Variants in TTBK2 observed in about 807,000 individuals in gnomAD.
The protein encoded by TTBK2 is tau tubulin kinase 2.
A neutral mutation model predicts 110.8 loss-of-function variants in TTBK2; 28 were observed. That is an observed-to-expected ratio of 0.25 (90% CI 0.19 to 0.35). TTBK2 has a LOEUF of 0.35. TTBK2 is among the 10% of genes least tolerant of loss of function. The probability of loss-of-function intolerance (pLI) is 1.00; values close to 1 mark genes in which losing one functional copy is unlikely to be tolerated. For synonymous variants in TTBK2, 532 were observed against 527.3 expected (o/e 1.01, Z -0.12); for missense variants, 1,369 against 1,500.3 (o/e 0.91, Z 1.45).
chr15:42,748,478 C>T (rs2061824601), intron 14 of TTBK2, among the ~76,000 whole-genome samples: 1 of 151,830 alleles, frequency 6.6e-6, no homozygotes, highest in African/African-American at 2.4e-5. Context: ...AAAAAACTAA[C>T]CCAATAGAAT....
At chr15:42,853,984 G>A (rs1893829577) in intron 3 of TTBK2, among the ~76,000 whole-genome samples, 1 of 152,082 alleles carries the variant, frequency 6.6e-6, no homozygotes, top group African/African-American at 2.4e-5. Flanking sequence ...CACCCAGGTT[G>A]GAACACAGTG....
At chr15:42,901,996 A>T (rs1374229453) in intron 1 of TTBK2, among the ~76,000 whole-genome samples, 1 of 151,884 alleles carries the variant, frequency 6.6e-6, no homozygotes, top group Non-Finnish European at 1.5e-5. Context: ...CCGGCAGATC[A>T]CCTGAGGTCA....
At chr15:42,892,435 G>A (rs904045237) in intron 1 of TTBK2, among the ~76,000 whole-genome samples, 12 of 151,906 alleles carry the variant, frequency 7.9e-5, no homozygotes, top group African/African-American at 2.4e-4. Flanking sequence ...GGCTGGGCAC[G>A]GGGGCTCACA....
Position 42,794,659 on chromosome 15 carries a change from G to T in TTBK2, c.965C>A (p.Thr322Asn). Residue 322 changes from threonine (T) to asparagine (N), a missense_variant, in exon 10 of 15, where the codon ACC becomes AAC. Physicochemically the swap from Thr to Asn is moderately conservative, Grantham distance 65 (BLOSUM62 0). Around this residue, in one of 4 missense-constraint regions of TTBK2, gnomAD observed 1,097 missense variants for 1,114.7 expected, o/e 0.98. Transcript: ENST00000267890. ...TAGGACATACCCAATTGCAGCAGGG[G>T]TCAAGCGAGTGTGCAACTGAGGGGT... ...STTPQLHTRL[T>N]PAAIGIANAT... is the part of the protein sequence containing the mutation. The T allele has an allele frequency of 6.2e-7, 1 of 1,614,160 alleles. No individual in the cohort carries two copies. Among genetic ancestry groups the T allele is most frequent in the Non-Finnish European group, 8.5e-7 (1 of 1,180,040 alleles).
intron 6 of TTBK2, among the ~76,000 whole-genome samples, chr15:42,823,483 A>T (rs2140967624): frequency 6.6e-6 from 1 of 152,316 alleles, no homozygotes; most frequent in African/African-American, 2.4e-5. Flanking sequence ...TATAACAGAT[A>T]CACTCCATCA....
chr15:42,789,269 T>C (rs944057240), intron 10 of TTBK2, among the ~76,000 whole-genome samples: 7 of 150,258 alleles, frequency 4.7e-5, no homozygotes, highest in African/African-American at 1.7e-4. Context: ...CTCTGTGTAT[T>C]TGAGTGCTTT....
Position 42,878,634 on chromosome 15 carries a change from G to C in TTBK2, c.-17C>G. ...CCCACTCATTGCAATACACTGATAT[G>C]GTAGAACAGCTACACAGGCATCCAG... On this transcript the variant is annotated 5_prime_UTR_variant, in exon 2 of 15. Transcript: ENST00000267890. 1 of 1,613,556 alleles carries C rather than the reference G, an allele frequency of 6.2e-7. No homozygotes were observed. The highest frequency in any genetic ancestry group is 8.5e-7 in the Non-Finnish European group (1 of 1,179,886).
At chr15:42,846,165 A>G (rs940433869) in intron 3 of TTBK2, among the ~76,000 whole-genome samples, 16 of 151,356 alleles carry the variant, frequency 1.1e-4, no homozygotes, top group Admixed American at 8.6e-4. Flanking sequence ...TACAGACGCA[A>G]TATTTTTTTC....
intron 11 of TTBK2, among the ~76,000 whole-genome samples, chr15:42,777,662 A>G (rs373879905): frequency 6.6e-6 from 1 of 152,240 alleles, no homozygotes; most frequent in East Asian, 1.9e-4. Context: ...CTCTTTTCTC[A>G]TTCTCCCTCT....
At chr15:42,850,662 T>C (rs1294737908) in intron 3 of TTBK2, among the ~76,000 whole-genome samples, 1 of 152,168 alleles carries the variant, frequency 6.6e-6, no homozygotes, top group Non-Finnish European at 1.5e-5. Context: ...ATAAATCCTG[T>C]AATAATCTTA....
intron 3 of TTBK2, among the ~76,000 whole-genome samples, chr15:42,858,620 G>A (rs751252679): frequency 2.4e-4 from 36 of 152,072 alleles, no homozygotes; most frequent in Admixed American, 8.5e-4. Context: ...GTACAAAGCC[G>A]AACAAGTGAA....
At chr15:42,763,198 T>A (rs1211080822) in intron 13 of TTBK2, among the ~76,000 whole-genome samples, 172 of 10,752 alleles carry the variant, frequency 0.016, no homozygotes, top group African/African-American at 0.021. Context: ...ATATATTTTT[T>A]TTTTTTTTTT....
chr15:42,752,618 A>AC lies in TTBK2; in HGVS notation c.2627_2628insG (p.Asn876LysfsTer2). On this transcript the variant is annotated frameshift_variant, in exon 14 of 15. Transcript: ENST00000267890. LOFTEE classifies it high-confidence loss of function. ...TGATGTCATCATCCTTAGATATCTTATTTTTTTGCATTTCTGCCACTTGGC... is the reference window on the plus strand; with the variant it reads ...TGATGTCATCATCCTTAGATATCTTACTTTTTTTGCATTTCTGCCACTTGGC... 1 of 1,613,912 alleles carries AC rather than the reference A, an allele frequency of 6.2e-7. No individual in the cohort carries two copies. Among genetic ancestry groups the AC allele is most frequent in the Non-Finnish European group, 8.5e-7 (1 of 1,179,990 alleles).
intron 13 of TTBK2, among the ~76,000 whole-genome samples, chr15:42,769,924 T>TA (rs1422530796): frequency 3.3e-5 from 5 of 151,982 alleles, no homozygotes; most frequent in Non-Finnish European, 7.4e-5. Context: ...TATGCAGCCA[T>TA]AAAAAGGATG....
At chr15:42,781,227 G>C (rs750037343) in intron 11 of TTBK2, among the ~76,000 whole-genome samples, 1 of 151,602 alleles carries the variant, frequency 6.6e-6, no homozygotes, top group Non-Finnish European at 1.5e-5. Context: ...AATAGAAATA[G>C]TCATTATATA....
intron 3 of TTBK2, among the ~76,000 whole-genome samples, chr15:42,865,117 T>G (rs554736539): frequency 6.6e-6 from 1 of 152,132 alleles, no homozygotes; most frequent in East Asian, 1.9e-4. Flanking sequence ...GGGCAATCAC[T>G]AAAAAAAGTA....
intron 1 of TTBK2, among the ~76,000 whole-genome samples, chr15:42,909,747 G>C (rs2030637791): frequency 6.6e-6 from 1 of 152,088 alleles, no homozygotes; most frequent in African/African-American, 2.4e-5. Flanking sequence ...TTTACATAAA[G>C]TCCAAAAATA....
At chr15:42,759,323 G>T (rs1177231390) in intron 13 of TTBK2, among the ~76,000 whole-genome samples, 1 of 152,210 alleles carries the variant, frequency 6.6e-6, no homozygotes, top group African/African-American at 2.4e-5. Flanking sequence ...AGCACTCAGG[G>T]ACAGCTGGCT....
intron 6 of TTBK2, among the ~76,000 whole-genome samples, chr15:42,819,322 C>T (rs1892187924): frequency 6.6e-6 from 1 of 150,702 alleles, no homozygotes; most frequent in African/African-American, 2.4e-5. Flanking sequence ...CAAAAATTAG[C>T]CAGGCAACAG....
Sources: allele counts gnomAD v4.1 joint callset (sites outside exome capture counted in the v4.1 genomes callset), GRCh38; gene constraint gnomAD v4.1.1; regional missense constraint gnomAD v4.1.1; transcripts MANE v1.5; gene names NCBI Gene and HGNC (gene_info 2026-07-23, HGNC 2026-07-21).